The following LTBP1 variants were observed in gnomAD, a reference collection of about 807,000 sequenced individuals.
LTBP1 encodes latent-transforming growth factor beta-binding protein 1.
In LTBP1, 129 loss-of-function variants were observed where a neutral mutation model predicts 207.6. The ratio of observed to expected loss-of-function variants is 0.62; its 90% CI spans 0.54 to 0.72. LTBP1 has a LOEUF of 0.72. Ranked by LOEUF, LTBP1 falls within the 30% of genes least tolerant of loss-of-function variation. The pLI is 0.00. For missense variants in LTBP1, 2,281 were observed against 2,217.2 expected (o/e 1.03, Z -0.58); for synonymous variants, 963 against 833.7 (o/e 1.16, Z -2.67).
Position 33,173,318 on chromosome 2 carries a change from G to A in LTBP1, c.1202-13538G>A, listed in dbSNP as rs2085660800. Among the ~76,000 whole-genome samples the A allele has an allele frequency of 2.6e-5, 4 of 151,298 alleles. No homozygotes were observed. In the South Asian group the frequency reaches 8.3e-4, roughly 31 times the overall value. On this transcript the variant is annotated intron_variant, in intron 5 of 33. Transcript: ENST00000404816. The stretch of plus-strand genomic sequence containing the variant: ...ATAGACGCAATAAAAAATGATAAAG[G>A]GGATATCACCACCGATCCCACAGAA...
intron 19 of LTBP1, among the ~76,000 whole-genome samples, chr2:33,291,126 T>C (rs1344348032): frequency 6.6e-6 from 1 of 152,230 alleles, no homozygotes; most frequent in Non-Finnish European, 1.5e-5. Flanking sequence ...TGCAATTATG[T>C]CTATAATAAG....
chr2:32,966,115 C>G (rs975006117), intron 2 of LTBP1, among the ~76,000 whole-genome samples: 1 of 152,138 alleles, frequency 6.6e-6, no homozygotes, highest in Non-Finnish European at 1.5e-5. Flanking sequence ...TTATAAGCCT[C>G]AGATACTTGA....
intron 3 of LTBP1, among the ~76,000 whole-genome samples, chr2:33,051,076 C>A (rs754257274): frequency 1.3e-5 from 2 of 152,056 alleles, no homozygotes; most frequent in African/African-American, 2.4e-5. Context: ...TTCTTCACAC[C>A]ATGATTGTGA....
At chr2:33,256,724 C>CTATATATATATA (rs10529995) in intron 11 of LTBP1, among the ~76,000 whole-genome samples, 2 of 68,828 alleles carry the variant, frequency 2.9e-5, no homozygotes, top group African/African-American at 6.6e-5. Context: ...GGAGGGCTAA[C>CTATATATATATA]TATATATATA....
chr2:33,370,573 G>A (rs190271432), intron 31 of LTBP1, among the ~76,000 whole-genome samples: 19 of 152,316 alleles, frequency 1.2e-4, no homozygotes, highest in Admixed American at 4.6e-4. Flanking sequence ...TAAAACCTAC[G>A]TTAATGCTGG....
chr2:33,066,352 A>G (rs370702461), intron 3 of LTBP1, among the ~76,000 whole-genome samples: 3 of 152,162 alleles, frequency 2.0e-5, no homozygotes, highest in Admixed American at 6.6e-5. Context: ...ATCACTTTTC[A>G]CTGCTGCTTG....
intron 2 of LTBP1, among the ~76,000 whole-genome samples, chr2:33,008,885 G>C (rs1454597346): frequency 6.6e-6 from 1 of 152,238 alleles, no homozygotes; most frequent in African/African-American, 2.4e-5. Context: ...GACAGGTGGG[G>C]ACACAGCCAG....
chr2:33,185,160 T>C (rs1236208387), intron 5 of LTBP1, among the ~76,000 whole-genome samples: 1 of 152,172 alleles, frequency 6.6e-6, no homozygotes, highest in Non-Finnish European at 1.5e-5. Context: ...TTAAGTTCCA[T>C]GTAGCTGTAT....
intron 2 of LTBP1, among the ~76,000 whole-genome samples, chr2:32,959,614 TATA>T (rs1239881789): frequency 2.0e-4 from 10 of 49,208 alleles, no homozygotes; most frequent in Non-Finnish European, 3.2e-4. Flanking sequence ...TATATATATA[TATA>T]TATATTTTTT....
intron 24 of LTBP1, among the ~76,000 whole-genome samples, chr2:33,335,076 G>A (rs1290493257): frequency 6.6e-6 from 1 of 151,624 alleles, no homozygotes; most frequent in African/African-American, 2.4e-5. Context: ...TGAGAGCATG[G>A]CACTGCTCTC....
chr2:33,064,511 G>A (rs1313772547), intron 3 of LTBP1, among the ~76,000 whole-genome samples: 1 of 152,172 alleles, frequency 6.6e-6, no homozygotes, highest in Non-Finnish European at 1.5e-5. Flanking sequence ...ATGGGGTAAT[G>A]CAGAGTAGCC....
intron 2 of LTBP1, among the ~76,000 whole-genome samples, chr2:33,007,650 A>G (rs564678298): frequency 2.0e-5 from 3 of 152,252 alleles, no homozygotes; most frequent in South Asian, 2.1e-4. Flanking sequence ...AGGTTAATGT[A>G]GAATTCCAAT....
chr2:32,989,493 G>A (rs1684083293), intron 2 of LTBP1, among the ~76,000 whole-genome samples: 1 of 152,172 alleles, frequency 6.6e-6, no homozygotes, highest in Non-Finnish European at 1.5e-5. Flanking sequence ...CTGTTTCAAA[G>A]TGTTTTACAG....
At chr2:32,969,575 C>T (rs1680551359) in intron 2 of LTBP1, among the ~76,000 whole-genome samples, 1 of 152,140 alleles carries the variant, frequency 6.6e-6, no homozygotes, top group Non-Finnish European at 1.5e-5. Flanking sequence ...GCCACCAGCT[C>T]CATCCATGTT....
chr2:33,107,372 G>C (rs2080125637), intron 3 of LTBP1, among the ~76,000 whole-genome samples: 1 of 152,158 alleles, frequency 6.6e-6, no homozygotes, highest in Admixed American at 6.5e-5. Flanking sequence ...GGTGCACTTT[G>C]AATCTCTTTA....
intron 24 of LTBP1, among the ~76,000 whole-genome samples, chr2:33,341,729 A>AAAAAATATATATATATATAT (rs745445793): frequency 5.3e-5 from 5 of 93,634 alleles, no homozygotes; most frequent in South Asian, 7.8e-4. Flanking sequence ...AAAAAAAAAA[A>AAAAAATATATATATATATAT]ATATATATAT....
chr2:33,353,544 G>T (rs902000244), intron 26 of LTBP1, among the ~76,000 whole-genome samples: 1 of 152,128 alleles, frequency 6.6e-6, no homozygotes, highest in African/African-American at 2.4e-5. Context: ...CACATTAGAA[G>T]CACATGTCCC....
intron 7 of LTBP1, among the ~76,000 whole-genome samples, chr2:33,214,969 C>T (rs1390782904): frequency 1.3e-5 from 2 of 151,634 alleles, no homozygotes; most frequent in Non-Finnish European, 2.9e-5. Context: ...CATTTTGTCT[C>T]GTAGGGTCGT....
chr2:33,304,217 T>A (rs1276912353), intron 22 of LTBP1, among the ~76,000 whole-genome samples: 1 of 152,216 alleles, frequency 6.6e-6, no homozygotes, highest in Non-Finnish European at 1.5e-5. Context: ...TCTAGTGTAC[T>A]GGGTTATAAA....
Sources: gnomAD v4.1 joint callset for allele counts (sites outside exome capture counted in the v4.1 genomes callset) on GRCh38, gnomAD v4.1.1 for gene constraint, MANE v1.5 for transcripts, NCBI Gene and HGNC (gene_info 2026-07-23, HGNC 2026-07-21) for gene names.